Variants in SUCLG2 observed in about 807,000 individuals in gnomAD.
SUCLG2 encodes succinate-CoA ligase GDP-forming subunit beta, also known as succinate--CoA ligase [GDP-forming] subunit beta, mitochondrial.
A neutral mutation model predicts 47.9 loss-of-function variants in SUCLG2; 42 were observed. The ratio of observed to expected loss-of-function variants is 0.88; its 90% confidence interval spans 0.69 to 1.14. SUCLG2 has a LOEUF of 1.14. Ranked by LOEUF, SUCLG2 falls within the 50% of genes most tolerant of loss-of-function variation. The pLI, the probability that SUCLG2 is intolerant of heterozygous loss-of-function variation, is 0.00. For synonymous variants in SUCLG2, 195 were observed against 197.3 expected (o/e 0.99, Z 0.10); for missense variants, 571 against 525.9 (o/e 1.09, Z -0.84).
intron 9 of SUCLG2, among the ~76,000 whole-genome samples, chr3:67,489,503 C>A (rs370072509): frequency 6.6e-6 from 1 of 151,990 alleles, no homozygotes; most frequent in Non-Finnish European, 1.5e-5. Flanking sequence ...AGAATGGCTG[C>A]CTGGAATTTT....
chr3:67,587,094 T>C (rs991084082), intron 2 of SUCLG2, among the ~76,000 whole-genome samples: 3 of 152,240 alleles, frequency 2.0e-5, no homozygotes, highest in Non-Finnish European at 4.4e-5. Context: ...TTTCTAATGC[T>C]ATTCCAGTGA....
chr3:67,418,753 T>C (rs1418582203), intron 9 of SUCLG2, among the ~76,000 whole-genome samples: 3 of 152,132 alleles, frequency 2.0e-5, no homozygotes, highest in Non-Finnish European at 4.4e-5. Flanking sequence ...CTGGAGCCCA[T>C]ACCATCCTGG....
chr3:67,495,469 A>G (rs998736775), intron 9 of SUCLG2, among the ~76,000 whole-genome samples: 4 of 152,144 alleles, frequency 2.6e-5, no homozygotes, highest in Admixed American at 6.5e-5. Flanking sequence ...CCTGGCCAAC[A>G]TGAGAAACCC....
At chr3:67,370,115 A>G (rs1404757786), downstream of SUCLG2, among the ~76,000 whole-genome samples, 1 of 152,212 alleles carries the variant, frequency 6.6e-6, no homozygotes, top group Non-Finnish European at 1.5e-5. Context: ...CAATATTCTG[A>G]AAGTTTACAA....
chr3:67,454,243 A>C (rs530037127), intron 9 of SUCLG2, among the ~76,000 whole-genome samples: 1 of 152,274 alleles, frequency 6.6e-6, no homozygotes, highest in East Asian at 1.9e-4. Flanking sequence ...ATATATCTCC[A>C]GGATTTGGAA....
chr3:67,580,931 T>C (rs575788579), intron 2 of SUCLG2, among the ~76,000 whole-genome samples: 24 of 152,324 alleles, frequency 1.6e-4, no homozygotes, highest in East Asian at 1.2e-3. Flanking sequence ...TAAATGGGTA[T>C]ATGAACAGGA....
At chr3:67,580,453 G>A (rs906688278) in intron 2 of SUCLG2, among the ~76,000 whole-genome samples, 3 of 152,018 alleles carry the variant, frequency 2.0e-5, no homozygotes, top group Non-Finnish European at 2.9e-5. Flanking sequence ...TGATTAAATT[G>A]AGGAAAAGAG....
chr3:67,372,279 C>T (rs1701965725), downstream of SUCLG2, among the ~76,000 whole-genome samples: 2 of 152,186 alleles, frequency 1.3e-5, no homozygotes, highest in Admixed American at 6.5e-5. Context: ...AACATCTTTG[C>T]CATTAACTAC....
At chr3:67,424,915 C>T (rs1411573077) in intron 9 of SUCLG2, among the ~76,000 whole-genome samples, 2 of 152,096 alleles carry the variant, frequency 1.3e-5, no homozygotes, top group East Asian at 1.9e-4. Flanking sequence ...CTGTATTCTC[C>T]TGCTCAATCA....
chr3:67,577,291 G>C (rs1707766966), intron 2 of SUCLG2, among the ~76,000 whole-genome samples: 1 of 137,762 alleles, frequency 7.3e-6, no homozygotes, highest in Admixed American at 7.7e-5. Flanking sequence ...CTTGGTGACA[G>C]AGACAGACTG....
chr3:67,495,863 G>A lies in SUCLG2; in HGVS notation c.997C>T (p.Leu333Phe), dbSNP rs748278412. The change falls in exon 9 of 11, where the codon CTT (leucine) becomes TTT (phenylalanine). Residue 333 changes from leucine (L) to phenylalanine (F), a missense_variant. Leu to Phe is a conservative substitution (Grantham distance 22, BLOSUM62 0). Transcript: ENST00000307227. ...NGGKPANFLDLGGGVKEAQVY... is the reference protein window; with the variant it reads ...NGGKPANFLDFGGGVKEAQVY... ...TGAGCTTCCTTTACACCACCTCCAA[G>A]ATCCAAGAAGTTGGCTGGCTTCCCA... The A allele has an allele frequency of 8.7e-6, 14 of 1,613,900 alleles. No homozygotes were observed. The East Asian group carries it at 3.1e-4, about 36-fold the overall frequency.
At chr3:67,369,357 G>A (rs1701920150) in intron 10 of SUCLG2, among the ~76,000 whole-genome samples, 1 of 152,150 alleles carries the variant, frequency 6.6e-6, no homozygotes, top group East Asian at 1.9e-4. Context: ...TTACTGAATA[G>A]CACAGATGCC....
At chr3:67,410,845 A>ACTC (rs1299137258) in intron 9 of SUCLG2, among the ~76,000 whole-genome samples, 1 of 152,202 alleles carries the variant, frequency 6.6e-6, no homozygotes, top group East Asian at 1.9e-4. Context: ...CTTAACAGAT[A>ACTC]ATTGCTTTCA....
chr3:67,405,194 C>A (rs955482655), intron 9 of SUCLG2, among the ~76,000 whole-genome samples: 2 of 152,160 alleles, frequency 1.3e-5, no homozygotes, highest in Non-Finnish European at 2.9e-5. Flanking sequence ...ACAGCTGATC[C>A]CAAGGCAAGT....
chr3:67,370,913 C>T (rs1025520754), downstream of SUCLG2, among the ~76,000 whole-genome samples: 3 of 152,082 alleles, frequency 2.0e-5, no homozygotes, highest in East Asian at 3.9e-4. Flanking sequence ...ATTGTGATGT[C>T]GTTTCTGCTT....
At chr3:67,565,772 G>A (rs1393804981) in intron 2 of SUCLG2, among the ~76,000 whole-genome samples, 1 of 152,164 alleles carries the variant, frequency 6.6e-6, no homozygotes, top group East Asian at 1.9e-4. Context: ...ACTCTCACTA[G>A]CGCCTAGCAC....
chr3:67,571,303 A>G (rs1030181199), intron 2 of SUCLG2, among the ~76,000 whole-genome samples: 19 of 152,150 alleles, frequency 1.2e-4, no homozygotes, highest in Non-Finnish European at 2.5e-4. Context: ...ACCATCCTAC[A>G]ATGCACAGGA....
chr3:67,428,777 C>T (rs148214768), intron 9 of SUCLG2, among the ~76,000 whole-genome samples: 5 of 152,140 alleles, frequency 3.3e-5, no homozygotes, highest in African/African-American at 9.6e-5. Flanking sequence ...GAGCTGAAAA[C>T]CATGGCATGA....
chr3:67,538,970 G>A (rs1313902057), intron 2 of SUCLG2, among the ~76,000 whole-genome samples: 2 of 152,172 alleles, frequency 1.3e-5, no homozygotes, highest in Non-Finnish European at 2.9e-5. Context: ...AGAGACGATG[G>A]GGTTTTCTAA....
Sources: allele counts gnomAD v4.1 joint callset (sites outside exome capture counted in the v4.1 genomes callset), GRCh38; gene constraint gnomAD v4.1.1; transcripts MANE v1.5; gene names NCBI Gene and HGNC (gene_info 2026-07-23, HGNC 2026-07-21).